COL22A1: variants seen among roughly 807,000 people sequenced by gnomAD.
COL22A1 encodes collagen type XXII alpha 1 chain, also known as collagen alpha-1(XXII) chain.
COL22A1 carries 221 observed loss-of-function variants against 248.9 expected under a neutral mutation model. The observed-to-expected ratio is 0.89, with a 90% confidence interval of 0.80 to 0.99. The LOEUF (loss-of-function observed/expected upper bound fraction) is 0.99, where lower values mean the gene tolerates loss of function less well. COL22A1 is among the 50% of genes least tolerant of loss of function. The probability of loss-of-function intolerance (pLI) is 0.00; values close to 1 mark genes in which losing one functional copy is unlikely to be tolerated. For missense variants in COL22A1, 2,240 were observed against 2,179.0 expected, an observed-to-expected ratio of 1.03 and a Z score of -0.56; for synonymous variants, 891 against 793.4, an observed-to-expected ratio of 1.12 and a Z score of -2.07.
In COL22A1 at chr8:138,676,462, A is replaced by AAAGAAAGG. The variant is rs1554744105; in HGVS notation, c.3150+95_3150+96insCCTTTCTT. On this transcript the variant is annotated intron_variant, in intron 41 of 64. Transcript: ENST00000303045. ...GAAAGAAAGAAAGAAAGAAAGGAAG[A>AAAGAAAGG]AAGAAAGAAAGAAAAGAGTGTTTCT... The AAAGAAAGG allele has an allele frequency of 1.9e-4, 115 of 605,956 alleles. No homozygotes were observed. In the African/African-American group the frequency reaches 2.0e-3, roughly 11 times the overall value. 37.5% of individuals were successfully genotyped at this position (605,956 alleles called of 1,614,324 possible). A position where few individuals can be genotyped will look rare whatever the true frequency, so the allele number is the denominator to read the frequency against.
intron 48 of COL22A1, among the ~76,000 whole-genome samples, chr8:138,635,421 G>T (rs1005845705): frequency 6.6e-6 from 1 of 152,110 alleles, no homozygotes; most frequent in African/African-American, 2.4e-5. Context: ...TTATTCTTTA[G>T]ATATGCTTGA....
At chr8:138,836,999 G>A (rs1190270770) in intron 4 of COL22A1, among the ~76,000 whole-genome samples, 1 of 152,206 alleles carries the variant, frequency 6.6e-6, no homozygotes, top group African/African-American at 2.4e-5. Flanking sequence ...AGCTGGGACA[G>A]TGAGGAAGTT....
chr8:138,912,344 C>T (rs1020932795), intron 1 of COL22A1, among the ~76,000 whole-genome samples: 1 of 152,178 alleles, frequency 6.6e-6, no homozygotes, highest in Non-Finnish European at 1.5e-5. Flanking sequence ...TTGAACTTAA[C>T]CAGGAGCCTG....
In COL22A1 at chr8:138,909,118, T is replaced by C. The variant is rs1203660872; in HGVS notation, c.-73+4501A>G. Reference sequence around the variant, plus strand: ...CAAAACTATATGTGATCACCCTTAATGTATAATCACAACGAAGCTTGTGGC... The same window carrying C: ...CAAAACTATATGTGATCACCCTTAACGTATAATCACAACGAAGCTTGTGGC... On this transcript the variant is annotated intron_variant, in intron 1 of 64. Coordinates refer to ENST00000303045, the MANE Select transcript of COL22A1 (RefSeq NM_152888.3). 2.0e-5 allele frequency among the ~76,000 whole-genome samples: 3 copies of C among 152,252 alleles called. No individual in the cohort carries two copies. In the East Asian group the frequency reaches 5.8e-4, roughly 29 times the overall value.
chr8:138,798,010 C>T (rs979582411), intron 11 of COL22A1, among the ~76,000 whole-genome samples: 7 of 151,610 alleles, frequency 4.6e-5, no homozygotes, highest in Admixed American at 2.6e-4. Flanking sequence ...TATTTTCCAT[C>T]CTTTTATTTT....
intron 3 of COL22A1, among the ~76,000 whole-genome samples, chr8:138,850,258 T>G (rs986309623): frequency 2.6e-5 from 4 of 152,202 alleles, no homozygotes; most frequent in African/African-American, 9.6e-5. Context: ...GGCTGTTCAA[T>G]CCACATCTCC....
At chr8:138,720,431 G>T (rs1272150872) in intron 27 of COL22A1, among the ~76,000 whole-genome samples, 1 of 151,952 alleles carries the variant, frequency 6.6e-6, no homozygotes, top group Non-Finnish European at 1.5e-5. Context: ...TCAAGGGGGT[G>T]GGGGCTCTTT....
chr8:138,753,469 C>T (rs753664468), intron 21 of COL22A1, among the ~76,000 whole-genome samples: 8 of 152,134 alleles, frequency 5.3e-5, no homozygotes, highest in Non-Finnish European at 1.0e-4. Context: ...TTCAGAACCA[C>T]GGGGAACCCC....
At chr8:138,688,710 T>C (rs990823803) in intron 37 of COL22A1, among the ~76,000 whole-genome samples, 6 of 152,042 alleles carry the variant, frequency 3.9e-5, no homozygotes, top group African/African-American at 1.4e-4. Flanking sequence ...TCCACATCTG[T>C]CTAATGGGCA....
intron 3 of COL22A1, among the ~76,000 whole-genome samples, chr8:138,876,111 C>A (rs948643276): frequency 2.6e-5 from 4 of 152,146 alleles, no homozygotes; most frequent in Admixed American, 2.0e-4. Context: ...GCACACAAGG[C>A]CCCCCTTTAT....
intron 47 of COL22A1, among the ~76,000 whole-genome samples, chr8:138,644,994 C>G (rs901671518): frequency 6.6e-6 from 1 of 152,146 alleles, no homozygotes; most frequent in African/African-American, 2.4e-5. Context: ...ATGCAGCAAC[C>G]GTGGTGACAG....
At chr8:138,733,272 C>T (rs1174116804) in intron 23 of COL22A1, among the ~76,000 whole-genome samples, 2 of 152,218 alleles carry the variant, frequency 1.3e-5, no homozygotes, top group Non-Finnish European at 2.9e-5. Context: ...ATACAGGAGT[C>T]ACCACATAGG....
intron 12 of COL22A1, among the ~76,000 whole-genome samples, chr8:138,783,578 C>G (rs990630665): frequency 6.6e-6 from 1 of 152,176 alleles, no homozygotes; most frequent in African/African-American, 2.4e-5. Context: ...GTCTGCCTTT[C>G]CCAGCCCACT....
At chr8:138,829,708 A>G (rs1819883111) in intron 5 of COL22A1, among the ~76,000 whole-genome samples, 1 of 152,064 alleles carries the variant, frequency 6.6e-6, no homozygotes, top group African/African-American at 2.4e-5. Context: ...CCAAAGTGCT[A>G]GGATTACAGA....
chr8:138,733,829 A>G (rs1830890320), intron 23 of COL22A1, among the ~76,000 whole-genome samples: 1 of 152,188 alleles, frequency 6.6e-6, no homozygotes, highest in South Asian at 2.1e-4. Flanking sequence ...TAGAGATAGC[A>G]AAGGACTTGC....
At chr8:138,871,352 G>A (rs1228839906) in intron 3 of COL22A1, among the ~76,000 whole-genome samples, 1 of 152,182 alleles carries the variant, frequency 6.6e-6, no homozygotes, top group East Asian at 1.9e-4. Flanking sequence ...GCCTCCTACA[G>A]ATGAGAACAG....
chr8:138,645,794 T>C (rs1335464777), intron 47 of COL22A1, among the ~76,000 whole-genome samples: 2 of 152,214 alleles, frequency 1.3e-5, no homozygotes, highest in Non-Finnish European at 2.9e-5. Flanking sequence ...AGATGAGGCA[T>C]GCTATGTCCA....
intron 16 of COL22A1, among the ~76,000 whole-genome samples, chr8:138,765,214 C>T (rs1014475670): frequency 2.0e-5 from 3 of 152,302 alleles, no homozygotes; most frequent in East Asian, 3.9e-4. Context: ...CCTGTCCTTT[C>T]GTCCTTGGTC....
intron 46 of COL22A1, among the ~76,000 whole-genome samples, chr8:138,649,399 A>G (rs117001318): frequency 0.012 from 1,837 of 152,314 alleles, 24 homozygotes; most frequent in Non-Finnish European, 0.017. Context: ...GTGGAAAGGA[A>G]TGTAACTGAA....
Sources: gnomAD v4.1 joint callset for allele counts (sites outside exome capture counted in the v4.1 genomes callset) on GRCh38, gnomAD v4.1.1 for gene constraint, MANE v1.5 for transcripts, NCBI Gene and HGNC (gene_info 2026-07-23, HGNC 2026-07-21) for gene names.